Variants in CYB5A observed in about 807,000 individuals in gnomAD.
The protein encoded by CYB5A is cytochrome b5.
CYB5A carries 10 observed loss-of-function variants against 16.2 expected under a neutral mutation model. That is an observed-to-expected ratio of 0.62 (90% CI 0.38 to 1.04). CYB5A has a LOEUF of 1.04. Among genes scored for constraint, CYB5A ranks in the 50% least tolerant of loss-of-function variants. CYB5A has a pLI of 0.01. For synonymous variants in CYB5A, 62 were observed against 57.0 expected (o/e 1.09, Z -0.40); for missense variants, 161 against 165.9 (o/e 0.97, Z 0.16).
intron 1 of CYB5A, 149 bp downstream of exon 1, chr18:74,291,598 C>G (rs1460196887): frequency 1.6e-6 from 2 of 1,243,170 alleles, no homozygotes; most frequent in Non-Finnish European, 2.3e-6. Context: ...CGGAAGCGCG[C>G]CCAGGCGTAC....
At position 74,253,466 on chromosome 18, in the gene CYB5A, G is replaced by A; in HGVS notation, c.*118C>T. On this transcript the variant is annotated 3_prime_UTR_variant, in exon 5 of 5. Transcript: ENST00000340533. ...TCTAATGTCGGAAGAAAAAGAAAGA[G>A]ATATATTAAAATCATTGTTTTCAAG... The A allele has an allele frequency of 2.9e-6, 2 of 681,092 alleles. No homozygotes were observed. Among genetic ancestry groups the A allele is most frequent in the Non-Finnish European group, 5.4e-6 (2 of 372,580 alleles). The allele number at this position is 681,092 out of a possible 1,614,324, so 42.2% of individuals were successfully genotyped here. A position where few individuals can be genotyped will look rare whatever the true frequency, so the allele number is the denominator to read the frequency against.
chr18:74,283,061 C>T (rs1400217015), intron 1 of CYB5A, among the ~76,000 whole-genome samples: 1 of 152,094 alleles, frequency 6.6e-6, no homozygotes, highest in Non-Finnish European at 1.5e-5. Flanking sequence ...CAGTGGCCAC[C>T]ATGAGAGGTG....
chr18:74,272,508 C>T (rs898265176), intron 1 of CYB5A, among the ~76,000 whole-genome samples: 2 of 152,144 alleles, frequency 1.3e-5, no homozygotes, highest in Non-Finnish European at 2.9e-5. Context: ...CTATTTCTAA[C>T]AATTCTGGTA....
intron 1 of CYB5A, among the ~76,000 whole-genome samples, chr18:74,278,597 A>C (rs374929949): frequency 1.3e-5 from 2 of 152,216 alleles, no homozygotes; most frequent in African/African-American, 4.8e-5. Context: ...ATTCTCCTGA[A>C]TCACAGAACC....
rs144493428 is a variant in CYB5A at position 74,263,433 on chromosome 18, G to A, written c.174C>T (p.Asp58=). 192 of 1,614,034 alleles carry A rather than the reference G, an allele frequency of 1.2e-4. No individual in the cohort carries two copies. The highest frequency in any genetic ancestry group is 1.5e-4 in the Non-Finnish European group (180 of 1,179,968). ...CGACATCCTCAAAGTTCTCAGTAGC[G>A]TCACCTCCAGCTTGTTCCCTTAAAA... ...EEVLREQAGG[D]ATENFEDVGH... Residue 58 remains aspartate (D), a synonymous_variant, in exon 2 of 5, where the codon GAC becomes GAT. Coordinates refer to ENST00000340533, the MANE Select transcript of CYB5A (RefSeq NM_148923.4).
intron 1 of CYB5A, among the ~76,000 whole-genome samples, chr18:74,287,178 T>G (rs116744881): frequency 0.014 from 2,183 of 151,886 alleles, 38 homozygotes; most frequent in African/African-American, 0.049. Flanking sequence ...TACCTAACGG[T>G]ATATATTAAA....
rs946340523 is a variant in CYB5A, at chr18:74,251,387, A to G, written c.*2197T>C. On this transcript the variant is annotated 3_prime_UTR_variant, in exon 5 of 5. Transcript: ENST00000340533. ...GACACCTTGAAGCAAAGGCAGGAAG[A>G]CTCAAAGCAGGAGGGAGCTTCCAGG... 1.3e-5 allele frequency: 2 copies of G among 152,170 alleles called. No individual in the cohort carries two copies. The highest frequency in any genetic ancestry group is 2.9e-5 in the Non-Finnish European group (2 of 68,126). The allele number at this position is 152,170 out of a possible 1,614,324, so 9.4% of individuals were successfully genotyped here. A position where few individuals can be genotyped will look rare whatever the true frequency, so the allele number is the denominator to read the frequency against.
chr18:74,266,761 A>AG (rs919822745), intron 1 of CYB5A, among the ~76,000 whole-genome samples: 6 of 151,726 alleles, frequency 4.0e-5, no homozygotes, highest in Non-Finnish European at 5.9e-5. Context: ...AAAAAAAAAA[A>AG]AGAGAGAGAG....
intron 1 of CYB5A, among the ~76,000 whole-genome samples, chr18:74,281,791 G>A (rs997721540): frequency 2.7e-5 from 4 of 146,012 alleles, no homozygotes; most frequent in African/African-American, 5.1e-5. Flanking sequence ...CAGGGGAGAA[G>A]GGAATATGTG....
intron 1 of CYB5A, among the ~76,000 whole-genome samples, chr18:74,277,819 C>G (rs1982939374): frequency 6.6e-6 from 1 of 152,178 alleles, no homozygotes; most frequent in Admixed American, 6.5e-5. Context: ...ACAACGGTGT[C>G]ATGGAGGATA....
intron 3 of CYB5A, chr18:74,260,059 C>A (rs2145042949): frequency 6.6e-6 from 1 of 152,178 alleles, no homozygotes; most frequent in East Asian, 1.9e-4. Context: ...CTGCTTTGAT[C>A]CTTTTGTAGA....
chr18:74,281,998 C>T (rs562729008), intron 1 of CYB5A, among the ~76,000 whole-genome samples: 2 of 152,136 alleles, frequency 1.3e-5, no homozygotes, highest in South Asian at 2.1e-4. Flanking sequence ...GGTGGAGGCC[C>T]GGGCTCTGGG....
At chr18:74,275,966 C>G (rs1982858407) in intron 1 of CYB5A, among the ~76,000 whole-genome samples, 1 of 152,144 alleles carries the variant, frequency 6.6e-6, no homozygotes, top group South Asian at 2.1e-4. Context: ...GCACCGGGAT[C>G]TGACCCAGCC....
rs1983556782 is a variant in CYB5A, at chr18:74,291,798, G to T, written c.78C>A (p.Thr26=). Residue 26 remains threonine, a synonymous_variant, in exon 1 of 5, where the codon ACC becomes ACA. Coordinates refer to ENST00000340533, the MANE Select transcript of CYB5A (RefSeq NM_148923.4). The stretch of plus-strand genomic sequence containing the variant: ...ACACCTTGTGGTGCAGGATCAGCCA[G>T]GTGCTCTTGCTGTGGTTGTGCTTCT... ...EIQKHNHSKS[T]WLILHHKVYD... The T allele has an allele frequency of 6.2e-7, 1 of 1,613,912 alleles. No individual in the cohort carries two copies. Among genetic ancestry groups the T allele is most frequent in the Non-Finnish European group, 8.5e-7 (1 of 1,179,840 alleles).
chr18:74,281,071 A>T (rs1016116668), intron 1 of CYB5A, among the ~76,000 whole-genome samples: 1 of 152,070 alleles, frequency 6.6e-6, no homozygotes, highest in African/African-American at 2.4e-5. Flanking sequence ...AATTGGTGAG[A>T]TTCTGACATT....
In CYB5A at chr18:74,253,390, G is replaced by T; in HGVS notation, c.*194C>A. 2 of 512,752 alleles carry T rather than the reference G, an allele frequency of 3.9e-6. No individual in the cohort carries two copies. 31.8% of individuals were successfully genotyped at this position (512,752 alleles called of 1,614,324 possible). Reference sequence around the variant, plus strand: ...TCAAAATAAAGTAGATGAATAAAAAGGCACACTCGAAAAATTTGAGCGCAG... The same window carrying T: ...TCAAAATAAAGTAGATGAATAAAAATGCACACTCGAAAAATTTGAGCGCAG... On this transcript the variant is annotated 3_prime_UTR_variant, in exon 5 of 5. Coordinates refer to ENST00000340533, the MANE Select transcript of CYB5A (RefSeq NM_148923.4).
At chr18:74,273,440 G>C (rs545643199) in intron 1 of CYB5A, among the ~76,000 whole-genome samples, 1 of 152,182 alleles carries the variant, frequency 6.6e-6, no homozygotes, top group South Asian at 2.1e-4. Flanking sequence ...AATGAATTAA[G>C]CACTATTTAC....
chr18:74,287,741 T>A (rs1983372597), intron 1 of CYB5A, among the ~76,000 whole-genome samples: 1 of 152,164 alleles, frequency 6.6e-6, no homozygotes, highest in East Asian at 1.9e-4. Context: ...ATTTCACGAA[T>A]CAAACACCCA....
At position 74,268,172 on chromosome 18, in the gene CYB5A, A is replaced by G. The variant is rs181316161; in HGVS notation, c.130-4695T>C. On this transcript the variant is annotated intron_variant, in intron 1 of 4. Coordinates refer to ENST00000340533, the MANE Select transcript of CYB5A (RefSeq NM_148923.4). ...TCACAGCCGGAGAGATGAAACATGA[A>G]TAACTATGACCATGCCACTGCAAGT... 1.1e-3 allele frequency among the ~76,000 whole-genome samples: 171 copies of G among 152,354 alleles called. 1 individual carries two copies. Among genetic ancestry groups the G allele is most frequent in the African/African-American group, 3.9e-3 (163 of 41,584 alleles).
Sources: allele counts gnomAD v4.1 joint callset (sites outside exome capture counted in the v4.1 genomes callset), GRCh38; gene constraint gnomAD v4.1.1; transcripts MANE v1.5; gene names NCBI Gene and HGNC (gene_info 2026-07-23, HGNC 2026-07-21).